IGHMBP2: variants seen among roughly 807,000 people sequenced by gnomAD.
IGHMBP2 encodes DNA-binding protein SMUBP-2.
A neutral mutation model predicts 96.0 loss-of-function variants in IGHMBP2; 81 were observed. The observed-to-expected ratio is 0.84, with a 90% confidence interval of 0.71 to 1.01. IGHMBP2 has a LOEUF of 1.01. Ranked by LOEUF, IGHMBP2 falls within the 50% of genes least tolerant of loss-of-function variation. The probability of loss-of-function intolerance (pLI) is 0.00; values close to 1 mark genes in which losing one functional copy is unlikely to be tolerated. For missense variants in IGHMBP2, 1,227 were observed against 1,306.3 expected (o/e 0.94, Z 0.94); for synonymous variants, 557 against 548.9 (o/e 1.01, Z -0.21).
intron 11 of IGHMBP2, among the ~76,000 whole-genome samples, chr11:68,934,991 GGGA>G (rs1859468675): frequency 6.6e-6 from 1 of 152,236 alleles, no homozygotes; most frequent in African/African-American, 2.4e-5. Flanking sequence ...CTGGAGTATC[GGGA>G]GGATCTGTGG....
rs2154008357 is a variant in IGHMBP2 at position 68,930,214 on chromosome 11, A to G, written c.1235+857A>G. 5 of 1,236,556 alleles carry G rather than the reference A, an allele frequency of 4.0e-6. No individual in the cohort carries two copies. The South Asian group carries it at 7.0e-5, about 17-fold the overall frequency. The allele number at this position is 1,236,556 out of a possible 1,614,324, so 76.6% of individuals were successfully genotyped here. On this transcript the variant is annotated intron_variant, in intron 8 of 14. Transcript: ENST00000255078. ...GAAAGTTGTCCCTGAGGAATGAAAC[A>G]CTTCTGAGACTCCTGCATCCTGGCC...
chr11:68,934,104 G>A lies in IGHMBP2; in HGVS notation c.1537+191G>A. 3 of 641,708 alleles carry A rather than the reference G, an allele frequency of 4.7e-6. No homozygotes were observed. The South Asian group carries it at 5.3e-5, about 11-fold the overall frequency. The allele number at this position is 641,708 out of a possible 1,614,324, so 39.8% of individuals were successfully genotyped here. A position where few individuals can be genotyped will look rare whatever the true frequency, so the allele number is the denominator to read the frequency against. ...CTCCAGGGTGAGCAGACCGCTCCTGGGTGAGATGGGCCTGGCAGCATTTTA... is the reference window on the plus strand; with the variant it reads ...CTCCAGGGTGAGCAGACCGCTCCTGAGTGAGATGGGCCTGGCAGCATTTTA... On this transcript the variant is annotated intron_variant, in intron 10 of 14. Coordinates refer to ENST00000255078, the MANE Select transcript of IGHMBP2 (RefSeq NM_002180.3).
intron 7 of IGHMBP2, among the ~76,000 whole-genome samples, chr11:68,922,105 T>C (rs1594436829): frequency 6.6e-6 from 1 of 152,024 alleles, no homozygotes; most frequent in East Asian, 1.9e-4. Context: ...TTAAGGCGAG[T>C]GGATCACCTG....
intron 5 of IGHMBP2, among the ~76,000 whole-genome samples, chr11:68,913,282 A>G (rs1342042759): frequency 6.6e-6 from 1 of 152,112 alleles, no homozygotes; most frequent in Admixed American, 6.5e-5. Flanking sequence ...TGGTGGTTTT[A>G]ATTGGGTGCC....
In IGHMBP2 at chr11:68,907,994, T is replaced by A. The variant is rs563254693; in HGVS notation, c.257-151T>A. On this transcript the variant is annotated intron_variant, in intron 2 of 14. Transcript: ENST00000255078. ...GTGAGCCACCGTGCCCGGCCTAACT[T>A]ACTTTCTTTTTTTTTTTTTAACTGT... 1.3e-3 allele frequency: 1,021 copies of A among 769,174 alleles called. 5 individuals are homozygous for A. The African/African-American group carries it at 0.02, about 15-fold the overall frequency. The allele number at this position is 769,174 out of a possible 1,614,324, so 47.6% of individuals were successfully genotyped here.
intron 7 of IGHMBP2, 40 bp from the exon 8 acceptor site, chr11:68,929,143 G>C (rs1266065852): frequency 6.3e-7 from 1 of 1,599,520 alleles, no homozygotes; most frequent in Non-Finnish European, 8.5e-7. Flanking sequence ...TTGGGAAGCA[G>C]CTGTGCCCCT....
intron 6 of IGHMBP2, 143 bp downstream of exon 6, chr11:68,915,166 C>CCTTTTTTTTTTTTTTTTTTTTTTTTTTT (rs1191505010): frequency 5.7e-6 from 1 of 176,576 alleles, no homozygotes; most frequent in African/African-American, 5.6e-5. Flanking sequence ...TTGGGCTGCC[C>CCTTTTTTTTTTTTTTTTTTTTTTTTTTT]TTTTTTTTTT....
chr11:68,917,727 TC>T lies in IGHMBP2; in HGVS notation c.913-8del. 6.2e-7 allele frequency: 1 copy of T among 1,608,100 alleles called. No homozygotes were observed. The highest frequency in any genetic ancestry group is 1.1e-5 in the South Asian group (1 of 90,920). ...GAAGTAAGTGTATCTCCTTTGTTTT[TC>T]TTTATAGGTGAAAAACAAAAAGACC... On this transcript the variant is annotated splice_polypyrimidine_tract_variant and splice_region_variant and intron_variant, in intron 6 of 14. Transcript: ENST00000255078.
intron 7 of IGHMBP2, among the ~76,000 whole-genome samples, chr11:68,923,569 G>A (rs1166844480): frequency 6.6e-6 from 1 of 152,106 alleles, no homozygotes; most frequent in African/African-American, 2.4e-5. Context: ...ATCCTTTTGA[G>A]TCTTGCTTTT....
At chr11:68,911,705 G>A (rs1858443520) in intron 5 of IGHMBP2, 102 bp downstream of exon 5, 4 of 1,077,802 alleles carry the variant, frequency 3.7e-6, no homozygotes, top group Admixed American at 3.5e-5. Context: ...TGGTGGGATG[G>A]GTCAGGAACA....
intron 4 of IGHMBP2, 149 bp from the exon 5 acceptor site, chr11:68,911,291 T>C: frequency 2.7e-6 from 2 of 747,692 alleles, no homozygotes; most frequent in African/African-American, 1.7e-5. Flanking sequence ...TAAAGCAGAC[T>C]TAATTTTGTG....
intron 8 of IGHMBP2, among the ~76,000 whole-genome samples, chr11:68,930,697 G>C (rs1859260172): frequency 6.6e-6 from 1 of 152,184 alleles, no homozygotes; most frequent in Non-Finnish European, 1.5e-5. Flanking sequence ...ACGCAGATTA[G>C]TGAAGGGTGA....
At position 68,930,345 on chromosome 11, in the gene IGHMBP2, G is replaced by A. The variant is rs758158466; in HGVS notation, c.1235+988G>A. 468 of 1,289,790 alleles carry A rather than the reference G, an allele frequency of 3.6e-4. No individual in the cohort carries two copies. The highest frequency in any genetic ancestry group is 4.6e-4 in the Non-Finnish European group (452 of 988,872). The allele number at this position is 1,289,790 out of a possible 1,614,324, so 79.9% of individuals were successfully genotyped here. The stretch of plus-strand genomic sequence containing the variant: ...TAGAAGCTATGAACTCGGAACTTTC[G>A]TTGTTTTCCGAGGACCGGAAGAAGA... On this transcript the variant is annotated intron_variant, in intron 8 of 14. Coordinates refer to ENST00000255078, the MANE Select transcript of IGHMBP2 (RefSeq NM_002180.3).
chr11:68,936,185 C>A, intron 12 of IGHMBP2, 52 bp from the exon 13 acceptor site: 1 of 1,604,250 alleles, frequency 6.2e-7, no homozygotes, highest in Non-Finnish European at 8.5e-7. Context: ...AGGAGCCTGA[C>A]TGTGTTTCTT....
chr11:68,939,446 G>C lies in IGHMBP2; in HGVS notation c.2785-88G>C, dbSNP rs143769234. The C allele has an allele frequency of 5.0e-4, 696 of 1,404,658 alleles. 2 individuals are homozygous for C. The African/African-American group carries it at 7.5e-3, about 15-fold the overall frequency. The allele number at this position is 1,404,658 out of a possible 1,614,324, so 87.0% of individuals were successfully genotyped here. A position where few individuals can be genotyped will look rare whatever the true frequency, so the allele number is the denominator to read the frequency against. ...AGTGGCCTTCTCTGTTGGGGCGCCT[G>C]TGGCCCCCCAGCTCTTTGATAGGCA... On this transcript the variant is annotated intron_variant, in intron 14 of 14. Coordinates refer to ENST00000255078, the MANE Select transcript of IGHMBP2 (RefSeq NM_002180.3).
chr11:68,908,723 G>C, intron 4 of IGHMBP2, 92 bp downstream of exon 4: 1 of 873,808 alleles, frequency 1.1e-6, no homozygotes, highest in Non-Finnish European at 1.9e-6. Flanking sequence ...AAGAGTTTGA[G>C]AAAGTATGAC....
Position 68,937,034 on chromosome 11 carries a change from G to A in IGHMBP2, c.2554G>A (p.Glu852Lys). ...CGCGCAGGGGCAGCCCGCCAGCAAGGAGCAGCAGGCCTCAGGGCAGCAGAA... is the reference window on the plus strand; with the variant it reads ...CGCGCAGGGGCAGCCCGCCAGCAAGAAGCAGCAGGCCTCAGGGCAGCAGAA... Reference protein sequence around the residue: ...RSAQGQPASKEQQASGQQKLP... With the variant: ...RSAQGQPASKKQQASGQQKLP... The change falls in exon 13 of 15, where the codon GAG (glutamate) becomes AAG (lysine). Residue 852 changes from glutamate to lysine, a missense_variant. Coordinates refer to ENST00000255078, the MANE Select transcript of IGHMBP2 (RefSeq NM_002180.3). The A allele has an allele frequency of 6.2e-7, 1 of 1,607,494 alleles. No individual in the cohort carries two copies. Among genetic ancestry groups the A allele is most frequent in the Non-Finnish European group, 8.5e-7 (1 of 1,179,958 alleles).
intron 8 of IGHMBP2, 158 bp from the exon 9 acceptor site, chr11:68,933,141 T>G (rs1859379106): frequency 1.4e-6 from 1 of 704,832 alleles, no homozygotes; most frequent in Non-Finnish European, 2.5e-6. Flanking sequence ...CCTTTGGGGC[T>G]GTGATTCAGC....
In IGHMBP2 at chr11:68,914,951, G is replaced by C; in HGVS notation, c.840G>C (p.Leu280=). The stretch of plus-strand genomic sequence containing the variant: ...TGGAGTCCATTCAGCAGCACTCCCT[G>C]GATGCGGTTTTAGCGCGGAGCGACA... The part of the protein sequence containing the change: ...RLLESIQQHS[L]DAVLARSDSA... The change falls in exon 6 of 15, where the codon CTG becomes CTC. Residue 280 remains leucine, a synonymous_variant. Coordinates refer to ENST00000255078, the MANE Select transcript of IGHMBP2 (RefSeq NM_002180.3). The C allele has an allele frequency of 1.2e-6, 2 of 1,614,136 alleles. No homozygotes were observed. The highest frequency in any genetic ancestry group is 1.7e-6 in the Non-Finnish European group (2 of 1,180,028).
Sources: gnomAD v4.1 joint callset for allele counts (sites outside exome capture counted in the v4.1 genomes callset) on GRCh38, gnomAD v4.1.1 for gene constraint, MANE v1.5 for transcripts, NCBI Gene and HGNC (gene_info 2026-07-23, HGNC 2026-07-21) for gene names.